SLC1A2: variants seen among roughly 807,000 people sequenced by gnomAD.
SLC1A2 encodes the protein solute carrier family 1 member 2.
Under a neutral mutation model 48.8 loss-of-function variants are expected in SLC1A2, and 15 were observed. The observed-to-expected ratio is 0.31, with a 90% CI of 0.21 to 0.47. SLC1A2 has a LOEUF of 0.47. Among genes scored for constraint, SLC1A2 ranks in the 20% least tolerant of loss-of-function variants. SLC1A2 has a pLI of 0.99. For missense variants in SLC1A2, 502 were observed against 730.5 expected (o/e 0.69, Z 3.61); for synonymous variants, 279 against 272.6 (o/e 1.02, Z -0.23).
chr11:35,268,233 T>C (rs1054389479), intron 9 of SLC1A2, among the ~76,000 whole-genome samples: 1 of 152,198 alleles, frequency 6.6e-6, no homozygotes, highest in Non-Finnish European at 1.5e-5. Context: ...AATGCTGAGG[T>C]CTTTCAGAGC....
In SLC1A2 at chr11:35,259,882, C is replaced by A. The variant is rs1481310609; in HGVS notation, c.*1012G>T. 1 of 152,198 alleles carries A rather than the reference C, an allele frequency of 6.6e-6. No homozygotes were observed. The highest frequency in any genetic ancestry group is 2.4e-5 in the African/African-American group (1 of 41,440). 9.4% of individuals were successfully genotyped at this position (152,198 alleles called of 1,614,324 possible). ...GAGGCACAGCCAACACAAGTGTCTT[C>A]CATGTGTGAGGACAGTAAAATGACC... On this transcript the variant is annotated 3_prime_UTR_variant, in exon 11 of 11. Transcript: ENST00000278379.
intron 9 of SLC1A2, among the ~76,000 whole-genome samples, chr11:35,273,619 C>T (rs1445284199): frequency 2.0e-5 from 3 of 152,146 alleles, no homozygotes; most frequent in African/African-American, 7.2e-5. Flanking sequence ...AGAGCATTTT[C>T]TCTTTTATTC....
At chr11:35,301,882 C>A (rs1441147327) in intron 5 of SLC1A2, among the ~76,000 whole-genome samples, 1 of 152,186 alleles carries the variant, frequency 6.6e-6, no homozygotes, top group Non-Finnish European at 1.5e-5. Context: ...AGCATTAGGT[C>A]CTTGAAGAAA....
At chr11:35,348,635 T>C (rs573353145) in intron 1 of SLC1A2, among the ~76,000 whole-genome samples, 16 of 151,934 alleles carry the variant, frequency 1.1e-4, no homozygotes, top group Non-Finnish European at 2.1e-4. Context: ...GCTCATCCTG[T>C]AATCCCAGCA....
At chr11:35,387,550 A>G (rs1247942943) in intron 1 of SLC1A2, among the ~76,000 whole-genome samples, 1 of 152,230 alleles carries the variant, frequency 6.6e-6, no homozygotes, top group African/African-American at 2.4e-5. Context: ...TGAATAAATG[A>G]CAGGAAAGTA....
intron 1 of SLC1A2, among the ~76,000 whole-genome samples, chr11:35,407,055 GA>G (rs1297440574): frequency 6.6e-6 from 1 of 151,484 alleles, no homozygotes; most frequent in Non-Finnish European, 1.5e-5. Context: ...TCCAACTAGG[GA>G]GACTTAGAAA....
At chr11:35,407,986 GATATTCCACTCGCCACAA>G (rs1293005447) in intron 1 of SLC1A2, among the ~76,000 whole-genome samples, 2 of 152,160 alleles carry the variant, frequency 1.3e-5, no homozygotes, top group African/African-American at 4.8e-5. Flanking sequence ...CATCTCTACT[GATATTCCACTCGCCACAA>G]ATGCTAAGCC....
intron 1 of SLC1A2, among the ~76,000 whole-genome samples, chr11:35,405,581 T>A (rs1855262539): frequency 6.6e-6 from 1 of 152,206 alleles, no homozygotes; most frequent in Non-Finnish European, 1.5e-5. Flanking sequence ...GAGGCAGGCA[T>A]CCTGGGAAAG....
chr11:35,379,415 G>C (rs1854347739), intron 1 of SLC1A2, among the ~76,000 whole-genome samples: 1 of 152,174 alleles, frequency 6.6e-6, no homozygotes, highest in Admixed American at 6.5e-5. Flanking sequence ...AGGCAATACA[G>C]ACTTTTTTTT....
In SLC1A2 at chr11:35,252,092, A is replaced by T. The variant is rs1022185402; in HGVS notation, c.*8802T>A. 6.6e-6 allele frequency: 1 copy of T among 152,516 alleles called. No homozygotes were observed. Among genetic ancestry groups the T allele is most frequent in the East Asian group, 1.9e-4 (1 of 5,198 alleles). The allele number at this position is 152,516 out of a possible 1,614,324, so 9.4% of individuals were successfully genotyped here. A position where few individuals can be genotyped will look rare whatever the true frequency, so the allele number is the denominator to read the frequency against. On this transcript the variant is annotated 3_prime_UTR_variant, in exon 11 of 11. Transcript: ENST00000278379. ...CAACCGCATAAGCTGTACACTCACT[A>T]TTCCTGTGCTTCTAGTGCTCTAAGT...
At chr11:35,287,099 C>A (rs1235920492) in intron 7 of SLC1A2, 148 bp from the exon 8 acceptor site, 8 of 664,060 alleles carry the variant, frequency 1.2e-5, no homozygotes, top group Admixed American at 2.9e-5. Context: ...TATCTGGAGC[C>A]AGATTAAAAA....
chr11:35,408,564 T>C (rs1486608249), intron 1 of SLC1A2, among the ~76,000 whole-genome samples: 5 of 152,240 alleles, frequency 3.3e-5, no homozygotes, highest in South Asian at 2.1e-4. Context: ...TCCTCAGCCA[T>C]GTGGAACTGT....
chr11:35,317,542 T>C, intron 1 of SLC1A2, 26 bp from the exon 2 acceptor site: 1 of 1,606,982 alleles, frequency 6.2e-7, no homozygotes, highest in Non-Finnish European at 8.5e-7. Flanking sequence ...AGGCAGAGAT[T>C]AGAGAGACTG....
chr11:35,319,538 G>C (rs1336526155), intron 1 of SLC1A2, among the ~76,000 whole-genome samples: 1 of 152,158 alleles, frequency 6.6e-6, no homozygotes, highest in African/African-American at 2.4e-5. Flanking sequence ...TCAGGCACAT[G>C]GTTGGTATTC....
chr11:35,315,419 T>C (rs1344289603), intron 2 of SLC1A2: 1 of 356,090 alleles, frequency 2.8e-6, no homozygotes, highest in East Asian at 5.0e-5. Context: ...CTCAAGGCTT[T>C]ATGAAAGTGC....
At chr11:35,295,984 G>A (rs1851160102) in intron 6 of SLC1A2, among the ~76,000 whole-genome samples, 2 of 152,206 alleles carry the variant, frequency 1.3e-5, no homozygotes, top group South Asian at 2.1e-4. Flanking sequence ...ATGTCCTGGA[G>A]CTGGCCTTGG....
intron 6 of SLC1A2, among the ~76,000 whole-genome samples, chr11:35,300,945 A>C (rs866145951): frequency 9.2e-5 from 14 of 152,146 alleles, no homozygotes; most frequent in Admixed American, 2.6e-4. Context: ...CTTGAGCTAC[A>C]GTGAGGGAGG....
At chr11:35,335,388 A>C (rs1248413785) in intron 1 of SLC1A2, among the ~76,000 whole-genome samples, 3 of 152,182 alleles carry the variant, frequency 2.0e-5, no homozygotes, top group Non-Finnish European at 2.9e-5. Context: ...TAGCAACCGC[A>C]ATTGCACAAC....
rs1245610941 is a variant in SLC1A2, at chr11:35,317,469, T to C, written c.65A>G (p.His22Arg). The C allele has an allele frequency of 2.5e-6, 4 of 1,614,078 alleles. No individual in the cohort carries two copies. Among genetic ancestry groups the C allele is most frequent in the Admixed American group, 1.7e-5 (1 of 60,014 alleles). Reference sequence around the variant, plus strand: ...GTGCTTGGGTTCCTCTGAGCCAAGATGACTGTCGTGCATTCGCACTTCCAC... The same window carrying C: ...GTGCTTGGGTTCCTCTGAGCCAAGACGACTGTCGTGCATTCGCACTTCCAC... ...KQVEVRMHDS[H>R]LGSEEPKHRH... Residue 22 changes from histidine to arginine, a missense_variant, in exon 2 of 11, where the codon CAT becomes CGT. His to Arg is a conservative substitution (Grantham distance 29, BLOSUM62 0). Transcript: ENST00000278379.
Sources: allele counts gnomAD v4.1 joint callset (sites outside exome capture counted in the v4.1 genomes callset), GRCh38; gene constraint gnomAD v4.1.1; transcripts MANE v1.5; gene names NCBI Gene and HGNC (gene_info 2026-07-23, HGNC 2026-07-21).